The following PLCB4 variants were observed in gnomAD, a reference collection of about 807,000 sequenced individuals.
PLCB4 encodes the protein 1-phosphatidylinositol 4,5-bisphosphate phosphodiesterase beta-4.
A neutral mutation model predicts 178.8 loss-of-function variants in PLCB4; 77 were observed. The observed-to-expected ratio is 0.43, with a 90% CI of 0.36 to 0.52. The LOEUF (loss-of-function observed/expected upper bound fraction) is 0.52, where lower values mean the gene tolerates loss of function less well. Ranked by LOEUF, PLCB4 falls within the 20% of genes least tolerant of loss-of-function variation. The pLI, the probability that PLCB4 is intolerant of heterozygous loss-of-function variation, is 0.00. For synonymous variants in PLCB4, 496 were observed against 490.8 expected (o/e 1.01, Z -0.14); for missense variants, 1,024 against 1,453.4 (o/e 0.70, Z 4.80).
intron 2 of PLCB4, among the ~76,000 whole-genome samples, chr20:9,129,100 T>G (rs1224364988): frequency 6.6e-6 from 1 of 152,196 alleles, no homozygotes; most frequent in Non-Finnish European, 1.5e-5. Context: ...GCTTCCACCT[T>G]TTGGCTATTG....
intron 2 of PLCB4, among the ~76,000 whole-genome samples, chr20:9,099,067 G>T (rs1320501445): frequency 6.6e-6 from 1 of 151,780 alleles, no homozygotes; most frequent in Non-Finnish European, 1.5e-5. Flanking sequence ...TTAATCAATA[G>T]AAATTAAATC....
At chr20:9,137,551 A>G (rs1406167744) in intron 2 of PLCB4, among the ~76,000 whole-genome samples, 1 of 152,128 alleles carries the variant, frequency 6.6e-6, no homozygotes, top group Non-Finnish European at 1.5e-5. Context: ...CCATGTATGC[A>G]GTTAATTATA....
intron 33 of PLCB4, 24 bp from the exon 34 acceptor site, chr20:9,457,390 G>A (rs1250688938): frequency 1.8e-6 from 2 of 1,123,406 alleles, no homozygotes; most frequent in South Asian, 1.2e-5. Flanking sequence ...TTTCTGGCAT[G>A]CATTTGCAAC....
At chr20:9,432,953 A>G (rs2041527105) in intron 28 of PLCB4, among the ~76,000 whole-genome samples, 2 of 152,234 alleles carry the variant, frequency 1.3e-5, no homozygotes, top group Admixed American at 1.3e-4. Context: ...CACCACTAAA[A>G]GTAATGTTGG....
intron 8 of PLCB4, 124 bp downstream of exon 8, chr20:9,363,099 C>A: frequency 1.4e-6 from 1 of 722,446 alleles, no homozygotes; most frequent in Non-Finnish European, 2.5e-6. Context: ...ATGCTCCTGA[C>A]CTTGGAGTTG....
chr20:9,309,747 A>G (rs1290861823), intron 4 of PLCB4, among the ~76,000 whole-genome samples: 1 of 152,232 alleles, frequency 6.6e-6, no homozygotes, highest in Non-Finnish European at 1.5e-5. Flanking sequence ...AGAAAAAAGT[A>G]CTTGACAACA....
intron 4 of PLCB4, among the ~76,000 whole-genome samples, chr20:9,309,432 G>A (rs1209551900): frequency 1.3e-5 from 2 of 152,118 alleles, no homozygotes; most frequent in East Asian, 3.8e-4. Flanking sequence ...CTTATTTTTT[G>A]CCACCACTAA....
intron 12 of PLCB4, among the ~76,000 whole-genome samples, chr20:9,379,495 GT>G (rs1165851144): frequency 6.6e-6 from 1 of 152,076 alleles, no homozygotes; most frequent in Admixed American, 6.5e-5. Context: ...GAAAAAAATA[GT>G]TACTCAAGAA....
chr20:9,317,526 T>G (rs6086837), intron 4 of PLCB4, among the ~76,000 whole-genome samples: 7,546 of 152,204 alleles, frequency 0.05, 262 homozygotes, highest in Non-Finnish European at 0.078. Flanking sequence ...CCCCATGAAA[T>G]AGTGTCTCAG....
At chr20:9,331,339 G>A (rs1336224978) in intron 4 of PLCB4, among the ~76,000 whole-genome samples, 2 of 152,122 alleles carry the variant, frequency 1.3e-5, no homozygotes, top group Non-Finnish European at 2.9e-5. Context: ...TTATGATCTG[G>A]TCCAAAATAG....
intron 2 of PLCB4, among the ~76,000 whole-genome samples, chr20:9,216,287 G>A (rs988771768): frequency 1.4e-5 from 2 of 144,876 alleles, no homozygotes; most frequent in African/African-American, 2.6e-5. Flanking sequence ...GTGCCATCTC[G>A]GCTTGCTGCA....
At chr20:9,247,455 T>A (rs2094137355) in intron 3 of PLCB4, among the ~76,000 whole-genome samples, 1 of 152,194 alleles carries the variant, frequency 6.6e-6, no homozygotes, top group South Asian at 2.1e-4. Flanking sequence ...ATGTAAACTC[T>A]TTTTGAATAA....
chr20:9,434,699 T>C (rs1372659734), intron 28 of PLCB4, among the ~76,000 whole-genome samples: 1 of 148,118 alleles, frequency 6.8e-6, no homozygotes, highest in East Asian at 2.0e-4. Flanking sequence ...TGTTATTTTC[T>C]GTTATAAAAA....
chr20:9,355,728 G>A (rs1198551324), intron 7 of PLCB4, among the ~76,000 whole-genome samples: 6 of 151,852 alleles, frequency 4.0e-5, no homozygotes, highest in Admixed American at 6.6e-5. Context: ...CCAAGTCTTT[G>A]CTATTGTGAA....
intron 8 of PLCB4, 70 bp downstream of exon 8, chr20:9,363,045 G>A (rs977192315): frequency 1.8e-6 from 2 of 1,125,472 alleles, no homozygotes; most frequent in Non-Finnish European, 2.7e-6. Context: ...AGAGATGAAG[G>A]CTAGGTGGTT....
rs2038328375 is a variant in PLCB4, at chr20:9,393,579, T to C, written c.1324-9T>C. 2 of 1,577,506 alleles carry C rather than the reference T, an allele frequency of 1.3e-6. No homozygotes were observed. Among genetic ancestry groups the C allele is most frequent in the Non-Finnish European group, 8.7e-7 (1 of 1,147,532 alleles). On this transcript the variant is annotated splice_polypyrimidine_tract_variant and intron_variant, in intron 17 of 39. Coordinates refer to ENST00000378473, the MANE Select transcript of PLCB4 (RefSeq NM_001377142.1). ...CTTCCTTAATTCAGCTCTTTCTGTT[T>C]CTCTCTAGCTTGAACCAGGCAGGGC...
At chr20:9,094,969 A>G (rs188422543) in intron 1 of PLCB4, among the ~76,000 whole-genome samples, 7 of 152,288 alleles carry the variant, frequency 4.6e-5, no homozygotes, top group Non-Finnish European at 1.0e-4. Context: ...AGGGGACCAC[A>G]GTACTGCTGG....
chr20:9,170,868 A>C (rs969871032), intron 2 of PLCB4, among the ~76,000 whole-genome samples: 1 of 152,200 alleles, frequency 6.6e-6, no homozygotes, highest in Admixed American at 6.6e-5. Context: ...AAAATGTACC[A>C]CAATCTCTTT....
At chr20:9,470,262 C>T (rs8122737) in intron 36 of PLCB4, among the ~76,000 whole-genome samples, 11,757 of 151,668 alleles carry the variant, frequency 0.078, 510 homozygotes, top group Non-Finnish European at 0.1. Context: ...ACCCCAGGGG[C>T]GGAGGTTGCA....
Sources: allele counts gnomAD v4.1 joint callset (sites outside exome capture counted in the v4.1 genomes callset), GRCh38; gene constraint gnomAD v4.1.1; transcripts MANE v1.5; gene names NCBI Gene and HGNC (gene_info 2026-07-23, HGNC 2026-07-21).